Variants in EPHA8 observed in about 807,000 individuals in gnomAD.
EPHA8 encodes the protein ephrin type-A receptor 8.
A neutral mutation model predicts 103.6 loss-of-function variants in EPHA8; 58 were observed. That is an observed-to-expected ratio of 0.56 (90% CI 0.45 to 0.70). The LOEUF (loss-of-function observed/expected upper bound fraction) is 0.70. Ranked by LOEUF, EPHA8 falls within the 30% of genes least tolerant of loss-of-function variation. EPHA8 has a pLI of 0.00. For missense variants in EPHA8, 1,304 were observed against 1,395.2 expected, an observed-to-expected ratio of 0.93 and a Z score of 1.04; for synonymous variants, 559 against 572.5, an observed-to-expected ratio of 0.98 and a Z score of 0.34.
At chr1:22,568,394 C>T (rs1640427570) in intron 1 of EPHA8, among the ~76,000 whole-genome samples, 1 of 152,160 alleles carries the variant, frequency 6.6e-6, no homozygotes, top group Admixed American at 6.5e-5. Context: ...GGAGACTACC[C>T]AGAGGTTCTG....
chr1:22,586,745 C>T (rs934218867), intron 4 of EPHA8, 110 bp downstream of exon 4: 34 of 1,269,740 alleles, frequency 2.7e-5, no homozygotes, highest in Non-Finnish European at 3.2e-5. Flanking sequence ...GGGGCAGGGG[C>T]GGGTGGCTCT....
intron 2 of EPHA8, among the ~76,000 whole-genome samples, chr1:22,572,839 A>G (rs1640581314): frequency 6.6e-6 from 1 of 152,192 alleles, no homozygotes; most frequent in South Asian, 2.1e-4. Flanking sequence ...GGGGTGCCCC[A>G]GGCAGAGAAC....
intron 7 of EPHA8, among the ~76,000 whole-genome samples, chr1:22,594,998 G>A (rs1044909934): frequency 6.6e-6 from 1 of 152,212 alleles, no homozygotes; most frequent in Non-Finnish European, 1.5e-5. Context: ...AGCGGCACCA[G>A]CATTAGGAAG....
Position 22,576,142 on chromosome 1 carries a change from C to G in EPHA8, c.160-75C>G, listed in dbSNP as rs116491346. On this transcript the variant is annotated intron_variant, in intron 2 of 16. Transcript: ENST00000166244. The surrounding 1 kb of genome is among the most constrained non-coding windows in gnomAD (Gnocchi z 4.8). ...TTTTTTTTTGCCAGCGTCCCCAGCA[C>G]AGAACACAGGGTCATTGGCAAAAGA... 47 of 1,502,802 alleles carry G rather than the reference C, an allele frequency of 3.1e-5. No individual in the cohort carries two copies. Among genetic ancestry groups the G allele is most frequent in the Non-Finnish European group, 4.0e-5 (45 of 1,116,508 alleles). 93.1% of individuals were successfully genotyped at this position (1,502,802 alleles called of 1,614,324 possible).
intron 1 of EPHA8, among the ~76,000 whole-genome samples, chr1:22,568,631 C>T (rs976096631): frequency 1.3e-5 from 2 of 152,252 alleles, no homozygotes; most frequent in Admixed American, 1.3e-4. Flanking sequence ...GATATTGGCA[C>T]ATAGTGGGTG....
intron 3 of EPHA8, among the ~76,000 whole-genome samples, chr1:22,579,093 G>A (rs1444023087): frequency 8.2e-5 from 11 of 133,628 alleles, no homozygotes; most frequent in African/African-American, 4.5e-4. Flanking sequence ...ACGTGCATGT[G>A]TGCATGTGTA....
chr1:22,580,559 C>T (rs1641019007), intron 3 of EPHA8, among the ~76,000 whole-genome samples: 1 of 152,236 alleles, frequency 6.6e-6, no homozygotes, highest in African/African-American at 2.4e-5. Context: ...TGGATTTGTT[C>T]TGCCCTCTGC....
At chr1:22,572,731 G>T (rs532591818) in intron 2 of EPHA8, among the ~76,000 whole-genome samples, 3 of 152,366 alleles carry the variant, frequency 2.0e-5, no homozygotes, top group Admixed American at 6.5e-5. Flanking sequence ...CAGCTGGTTC[G>T]CTGCATTCTG....
Position 22,597,651 on chromosome 1 carries a change from C to T in EPHA8, c.1931-25C>T, listed in dbSNP as rs1364787349. On this transcript the variant is annotated intron_variant, in intron 10 of 16. Transcript: ENST00000166244. This position sits in a 1 kb window ranked among gnomAD's most constrained non-coding sequence, Gnocchi z 4.6. ...TGAGGGTCCCACTGCCCTCCCTCCA[C>T]ACCTGCCCCTCTCGGGGCCTGCAGG... 1 of 1,587,108 alleles carries T rather than the reference C, an allele frequency of 6.3e-7. No individual in the cohort carries two copies. The highest frequency in any genetic ancestry group is 1.3e-5 in the African/African-American group (1 of 74,386).
chr1:22,585,564 G>C (rs1641179254), intron 3 of EPHA8, among the ~76,000 whole-genome samples: 2 of 152,210 alleles, frequency 1.3e-5, no homozygotes, highest in Admixed American at 1.3e-4. Flanking sequence ...CAGTGGCTCT[G>C]GTTCACAGCC....
intron 7 of EPHA8, among the ~76,000 whole-genome samples, chr1:22,594,583 C>T (rs1034663404): frequency 1.3e-5 from 2 of 152,232 alleles, no homozygotes; most frequent in African/African-American, 4.8e-5. Flanking sequence ...CCTCCTGCCC[C>T]AATCTCCAGC....
intron 5 of EPHA8, among the ~76,000 whole-genome samples, chr1:22,590,452 C>T (rs1641343090): frequency 6.6e-6 from 1 of 152,220 alleles, no homozygotes; most frequent in South Asian, 2.1e-4. Flanking sequence ...TGCGGGACTT[C>T]TCCATGTCTT....
At position 22,567,710 on chromosome 1, in the gene EPHA8, G is replaced by C. The variant is rs904223364; in HGVS notation, c.95-1579G>C. On this transcript the variant is annotated intron_variant, in intron 1 of 16. Coordinates refer to ENST00000166244, the MANE Select transcript of EPHA8 (RefSeq NM_020526.5). This position sits in a 1 kb window ranked among gnomAD's most constrained non-coding sequence, Gnocchi z 4.2. The stretch of plus-strand genomic sequence containing the variant: ...GAGGACACTTGTCTCTGTCTTCGAG[G>C]GGCAGGCTTAGAGCTATGCAAATCT... Among the ~76,000 whole-genome samples the C allele has an allele frequency of 1.3e-5, 2 of 152,148 alleles. No homozygotes were observed. Among genetic ancestry groups the C allele is most frequent in the African/African-American group, 4.8e-5 (2 of 41,426 alleles).
In EPHA8 at chr1:22,600,783, G is replaced by T; in HGVS notation, c.2511G>T (p.Arg837=). 6.2e-7 allele frequency: 1 copy of T among 1,610,316 alleles called. No homozygotes were observed. The highest frequency in any genetic ancestry group is 8.5e-7 in the Non-Finnish European group (1 of 1,178,004). The change falls in exon 14 of 17, where the codon CGG becomes CGT. Residue 837 remains arginine (R), a synonymous_variant. Coordinates refer to ENST00000166244, the MANE Select transcript of EPHA8 (RefSeq NM_020526.5). ...VMWEVLAYGE[R]PYWNMTNRDV... is the part of the protein sequence containing the mutation. The stretch of plus-strand genomic sequence containing the variant: ...GGGAGGTGCTGGCCTATGGGGAGCG[G>T]CCCTACTGGAACATGACCAACCGGG...
chr1:22,578,937 G>T (rs1266436448), intron 3 of EPHA8, among the ~76,000 whole-genome samples: 4 of 151,272 alleles, frequency 2.6e-5, no homozygotes, highest in Non-Finnish European at 5.9e-5. Context: ...GTGTGCATGT[G>T]TGTATGTATG....
Position 22,592,776 on chromosome 1 carries a change from A to G in EPHA8, c.1316-550A>G, listed in dbSNP as rs186240308. ...TGACACCTCCTAGCAGCCTCCCCAC[A>G]GGGCTGACCGCACCTGAGCCAGGAG... On this transcript the variant is annotated intron_variant, in intron 5 of 16. Transcript: ENST00000166244. 3.9e-3 allele frequency among the ~76,000 whole-genome samples: 496 copies of G among 126,054 alleles called. 2 individuals are homozygous for G. The highest frequency in any genetic ancestry group is 0.014 in the African/African-American group (474 of 33,480). 82.7% of individuals were successfully genotyped at this position (126,054 alleles called of 152,430 possible).
intron 3 of EPHA8, among the ~76,000 whole-genome samples, chr1:22,583,485 C>T (rs772343828): frequency 3.7e-4 from 56 of 152,292 alleles, no homozygotes; most frequent in African/African-American, 1.2e-3. Context: ...GAGGCTCCCC[C>T]GCCTGACTGC....
chr1:22,577,901 GTGTGTA>G (rs1640768007), intron 3 of EPHA8, among the ~76,000 whole-genome samples: 2 of 127,392 alleles, frequency 1.6e-5, no homozygotes, highest in Non-Finnish European at 1.7e-5. Context: ...GTGTGCATGT[GTGTGTA>G]TGTGTGCGTG....
chr1:22,566,080 C>T (rs1174252216), intron 1 of EPHA8, among the ~76,000 whole-genome samples: 3 of 152,230 alleles, frequency 2.0e-5, no homozygotes, highest in Admixed American at 6.5e-5. Context: ...CCTGGCCAAA[C>T]AACAGTCCAC....
Sources: allele counts gnomAD v4.1 joint callset (sites outside exome capture counted in the v4.1 genomes callset), GRCh38; gene constraint gnomAD v4.1.1; non-coding constraint Gnocchi (gnomAD v3.1); transcripts MANE v1.5; gene names NCBI Gene and HGNC (gene_info 2026-07-23, HGNC 2026-07-21).